Variants in OXR1 observed in about 807,000 individuals in gnomAD.
OXR1 encodes the protein oxidation resistance 1.
In OXR1, 41 loss-of-function variants were observed where a neutral mutation model predicts 104.6. The ratio of observed to expected loss-of-function variants is 0.39; its 90% CI spans 0.31 to 0.51. OXR1 has a LOEUF of 0.51. Ranked by LOEUF, OXR1 falls within the 20% of genes least tolerant of loss-of-function variation. The probability of loss-of-function intolerance (pLI) is 0.77; values close to 1 mark genes in which losing one functional copy is unlikely to be tolerated. For missense variants in OXR1, 955 were observed against 1,031.9 expected (o/e 0.93, Z 1.02); for synonymous variants, 348 against 348.4 (o/e 1.00, Z 0.01).
At chr8:106,502,727 AT>A (rs1317778332) in intron 2 of OXR1, among the ~76,000 whole-genome samples, 1 of 152,190 alleles carries the variant, frequency 6.6e-6, no homozygotes, top group Non-Finnish European at 1.5e-5. Flanking sequence ...TGACCATCTC[AT>A]TTCAGCTCAA....
At chr8:106,726,199 A>C in intron 11 of OXR1, 1 of 1,502,900 alleles carries the variant, frequency 6.7e-7, no homozygotes, top group Non-Finnish European at 8.8e-7. Flanking sequence ...TTTTGAAAAC[A>C]GTTCTTACGT....
intron 11 of OXR1, among the ~76,000 whole-genome samples, chr8:106,717,418 A>G (rs1832375069): frequency 6.6e-6 from 1 of 152,144 alleles, no homozygotes; most frequent in Admixed American, 6.5e-5. Context: ...TGTTATGGCT[A>G]CCAACTTGGG....
intron 2 of OXR1, among the ~76,000 whole-genome samples, chr8:106,467,091 C>G (rs898517814): frequency 2.0e-5 from 3 of 151,844 alleles, no homozygotes; most frequent in Admixed American, 6.6e-5. Context: ...GTTCCCAAAG[C>G]CTGACATTTT....
intron 1 of OXR1, among the ~76,000 whole-genome samples, chr8:106,277,286 A>C (rs1285555994): frequency 6.6e-6 from 1 of 152,228 alleles, no homozygotes; most frequent in African/African-American, 2.4e-5. Context: ...AGCTACAAAA[A>C]AATTGGGCAA....
intron 1 of OXR1, among the ~76,000 whole-genome samples, chr8:106,330,980 G>T (rs16874407): frequency 0.024 from 3,659 of 152,312 alleles, 53 homozygotes; most frequent in South Asian, 0.096. Flanking sequence ...AAGGAGAAAA[G>T]TATGAAGTGC....
chr8:106,313,415 T>G (rs951175691), intron 1 of OXR1, among the ~76,000 whole-genome samples: 2 of 152,196 alleles, frequency 1.3e-5, no homozygotes, highest in African/African-American at 2.4e-5. Context: ...TAGTAGATTT[T>G]AGAAACATGC....
intron 2 of OXR1, among the ~76,000 whole-genome samples, chr8:106,393,721 T>C (rs892496281): frequency 4.6e-5 from 7 of 152,026 alleles, no homozygotes; most frequent in Non-Finnish European, 8.8e-5. Flanking sequence ...TTTAAGAATA[T>C]AGGAATTTCA....
chr8:106,714,475 AT>A (rs1253644257), intron 11 of OXR1, among the ~76,000 whole-genome samples: 1 of 152,002 alleles, frequency 6.6e-6, no homozygotes, highest in African/African-American at 2.4e-5. Flanking sequence ...CTTGACTTAA[AT>A]TTTTCAATAA....
chr8:106,577,686 G>C (rs6469076), intron 3 of OXR1, among the ~76,000 whole-genome samples: 7 of 152,112 alleles, frequency 4.6e-5, no homozygotes, highest in African/African-American at 1.7e-4. Context: ...TACTGCGCCC[G>C]GCCAAAGCTA....
chr8:106,305,923 A>G (rs891337751), intron 1 of OXR1, among the ~76,000 whole-genome samples: 1 of 152,166 alleles, frequency 6.6e-6, no homozygotes, highest in African/African-American at 2.4e-5. Flanking sequence ...TTCTTCTTAA[A>G]TACCTCAGGA....
At chr8:106,707,266 AC>A (rs1831235658) in intron 9 of OXR1, 121 bp downstream of exon 9, 2 of 807,478 alleles carry the variant, frequency 2.5e-6, no homozygotes, top group Non-Finnish European at 4.2e-6. Flanking sequence ...GTGACCCTTG[AC>A]CGGTGATTCT....
intron 1 of OXR1, among the ~76,000 whole-genome samples, chr8:106,348,397 C>T (rs191137667): frequency 2.4e-4 from 36 of 152,224 alleles, no homozygotes; most frequent in East Asian, 7.7e-4. Context: ...CACGTTACTT[C>T]GGAACATTAA....
At chr8:106,296,769 C>T (rs1354420554) in intron 1 of OXR1, among the ~76,000 whole-genome samples, 1 of 152,160 alleles carries the variant, frequency 6.6e-6, no homozygotes, top group African/African-American at 2.4e-5. Context: ...AAGGCTGAGG[C>T]AGGTTTAAGA....
rs1821954066 is a variant in OXR1, at chr8:106,624,128, T to G, written c.221-55082T>G. Among the ~76,000 whole-genome samples the G allele has an allele frequency of 2.0e-5, 3 of 152,202 alleles. No individual in the cohort carries two copies. The South Asian group carries it at 6.2e-4, about 31-fold the overall frequency. The stretch of plus-strand genomic sequence containing the variant: ...TCAGGTTTTCGACCAATTATTTCCC[T>G]GATTTGACAAGGTCACTCTGAACTT... On this transcript the variant is annotated intron_variant, in intron 3 of 16. Transcript: ENST00000517566.
At chr8:106,647,917 C>A (rs1824220952) in intron 3 of OXR1, among the ~76,000 whole-genome samples, 1 of 152,066 alleles carries the variant, frequency 6.6e-6, no homozygotes, top group Non-Finnish European at 1.5e-5. Flanking sequence ...ACATAGCTAG[C>A]CTTATAATGA....
At chr8:106,528,227 A>T (rs1217071667) in intron 3 of OXR1, among the ~76,000 whole-genome samples, 1 of 151,860 alleles carries the variant, frequency 6.6e-6, no homozygotes, top group African/African-American at 2.4e-5. Flanking sequence ...TAGTTATGGT[A>T]TCAGTTTAGG....
intron 1 of OXR1, among the ~76,000 whole-genome samples, chr8:106,276,908 A>C (rs958316425): frequency 1.3e-5 from 2 of 152,210 alleles, no homozygotes. Flanking sequence ...AAAACCAAAC[A>C]AAACCATATG....
chr8:106,360,272 G>A (rs1816181544), intron 2 of OXR1, among the ~76,000 whole-genome samples: 1 of 152,132 alleles, frequency 6.6e-6, no homozygotes, highest in African/African-American at 2.4e-5. Flanking sequence ...GGATAAATTT[G>A]AAGGTATTTT....
At chr8:106,443,719 A>T (rs1418976783) in intron 2 of OXR1, among the ~76,000 whole-genome samples, 1 of 152,212 alleles carries the variant, frequency 6.6e-6, no homozygotes, top group Non-Finnish European at 1.5e-5. Flanking sequence ...ATAAGAGACT[A>T]GGATTGCAAC....
Sources: allele counts gnomAD v4.1 joint callset (sites outside exome capture counted in the v4.1 genomes callset), GRCh38; gene constraint gnomAD v4.1.1; transcripts MANE v1.5; gene names NCBI Gene and HGNC (gene_info 2026-07-23, HGNC 2026-07-21).